Variants in PLD5 observed in about 807,000 individuals in gnomAD.
PLD5 encodes phospholipase D family member 5.
Under a neutral mutation model 61.1 loss-of-function variants are expected in PLD5, and 36 were observed. The observed-to-expected ratio is 0.59, with a 90% confidence interval of 0.45 to 0.78. The LOEUF (loss-of-function observed/expected upper bound fraction) is 0.78. Ranked by LOEUF, PLD5 falls within the 30% of genes least tolerant of loss-of-function variation. PLD5 has a pLI of 0.00. For missense variants in PLD5, 515 were observed against 644.4 expected, an observed-to-expected ratio of 0.80 and a Z score of 2.17; for synonymous variants, 243 against 242.8, an observed-to-expected ratio of 1.00 and a Z score of -0.01.
chr1:242,129,402 C>A (rs1404807978), intron 5 of PLD5, among the ~76,000 whole-genome samples: 1 of 152,114 alleles, frequency 6.6e-6, no homozygotes, highest in Non-Finnish European at 1.5e-5. Flanking sequence ...TCTAGTTTTA[C>A]GTATTAGTTC....
intron 5 of PLD5, among the ~76,000 whole-genome samples, chr1:242,178,107 C>T (rs192226968): frequency 4.7e-4 from 72 of 152,332 alleles, no homozygotes; most frequent in Middle Eastern, 3.4e-3. Context: ...CCAATGATTT[C>T]TAACAACCTA....
At chr1:242,192,760 G>A (rs1484529227) in intron 5 of PLD5, among the ~76,000 whole-genome samples, 2 of 151,850 alleles carry the variant, frequency 1.3e-5, no homozygotes, top group African/African-American at 4.9e-5. Context: ...AGGAAGAAGC[G>A]GGTGGGATGC....
intron 2 of PLD5, among the ~76,000 whole-genome samples, chr1:242,302,774 G>C (rs1283262203): frequency 6.6e-6 from 1 of 152,000 alleles, no homozygotes; most frequent in Non-Finnish European, 1.5e-5. Flanking sequence ...TCATTCTCTG[G>C]GTATCTCCCA....
At chr1:242,241,668 G>A (rs1158770559) in intron 4 of PLD5, among the ~76,000 whole-genome samples, 3 of 151,764 alleles carry the variant, frequency 2.0e-5, no homozygotes, top group African/African-American at 4.8e-5. Flanking sequence ...AACTTCTACA[G>A]GCCACTTGGT....
At chr1:242,387,113 G>C (rs10926716) in intron 1 of PLD5, among the ~76,000 whole-genome samples, 1 of 151,888 alleles carries the variant, frequency 6.6e-6, no homozygotes, top group Non-Finnish European at 1.5e-5. Flanking sequence ...TAAAAAGTTC[G>C]AAGAAAAAGA....
intron 1 of PLD5, among the ~76,000 whole-genome samples, chr1:242,482,907 C>T (rs1667831571): frequency 6.6e-6 from 1 of 152,230 alleles, no homozygotes; most frequent in Non-Finnish European, 1.5e-5. Flanking sequence ...CAATATTCAA[C>T]ATTCTTACAG....
intron 1 of PLD5, among the ~76,000 whole-genome samples, chr1:242,402,555 CTTA>C (rs2149279655): frequency 6.6e-6 from 1 of 152,286 alleles, no homozygotes; most frequent in South Asian, 2.1e-4. Context: ...ATAGGGTTAG[CTTA>C]TTATTCAGCT....
At chr1:242,226,715 A>G (rs1025884233) in intron 4 of PLD5, among the ~76,000 whole-genome samples, 5 of 152,178 alleles carry the variant, frequency 3.3e-5, no homozygotes, top group Non-Finnish European at 5.9e-5. Context: ...AAAAATCAGG[A>G]AACTCCAAAT....
Position 242,256,067 on chromosome 1 carries a change from C to G in PLD5, c.607+9270G>C, listed in dbSNP as rs1331589468. On this transcript the variant is annotated intron_variant, in intron 4 of 9. Transcript: ENST00000536534. This position sits in a 1 kb window ranked among gnomAD's most constrained non-coding sequence, Gnocchi z 5.7. The stretch of plus-strand genomic sequence containing the variant: ...TTCACTAATATGGGTAAGGCTCTGT[C>G]TAATTGGCTCACTTACTTGCTATAT... 6.6e-6 allele frequency among the ~76,000 whole-genome samples: 1 copy of G among 152,130 alleles called. No individual in the cohort carries two copies. The highest frequency in any genetic ancestry group is 2.4e-5 in the African/African-American group (1 of 41,440).
chr1:242,520,019 G>A (rs934112055), intron 1 of PLD5, among the ~76,000 whole-genome samples: 1 of 152,214 alleles, frequency 6.6e-6, no homozygotes, highest in East Asian at 1.9e-4. Flanking sequence ...TGCTGCAGCA[G>A]TCTTGTGAGA....
At chr1:242,153,046 A>C (rs561824476) in intron 5 of PLD5, among the ~76,000 whole-genome samples, 1 of 148,556 alleles carries the variant, frequency 6.7e-6, no homozygotes, top group Non-Finnish European at 1.5e-5. Context: ...AATGATTACC[A>C]TTCTAACTGG....
At chr1:242,498,166 T>C (rs1387463009) in intron 1 of PLD5, among the ~76,000 whole-genome samples, 7 of 152,274 alleles carry the variant, frequency 4.6e-5, no homozygotes, top group Non-Finnish European at 7.4e-5. Flanking sequence ...GGTTTCACCA[T>C]GTTGATCAGG....
chr1:242,188,539 A>C (rs1668050019), intron 5 of PLD5: 1 of 152,252 alleles, frequency 6.6e-6, no homozygotes, highest in Non-Finnish European at 1.5e-5. Context: ...CACAGAACCT[A>C]GAAAGCAGCT....
rs1663444152 is a variant in PLD5 at position 242,395,007 on chromosome 1, A to ATATATGAATATATATG, written c.190-46766_190-46765insCATATATATTCATATA. Among the ~76,000 whole-genome samples the ATATATGAATATATATG allele has an allele frequency of 5.1e-5, 5 of 98,566 alleles. 1 individual carries two copies. In the East Asian group the frequency reaches 1.4e-3, roughly 28 times the overall value. 64.7% of individuals were successfully genotyped at this position (98,566 alleles called of 152,430 possible). ...TATATGAATATATATGTATATATGA[A>ATATATGAATATATATG]TATATATGAATATATATGTATATAT... On this transcript the variant is annotated intron_variant, in intron 1 of 9. Transcript: ENST00000536534.
At chr1:242,139,457 T>G (rs1241048567) in intron 5 of PLD5, among the ~76,000 whole-genome samples, 1 of 152,038 alleles carries the variant, frequency 6.6e-6, no homozygotes. Context: ...AAGGGTTCAA[T>G]GTAGCTCTCG....
At chr1:242,430,201 T>C (rs1254546220) in intron 1 of PLD5, among the ~76,000 whole-genome samples, 2 of 152,220 alleles carry the variant, frequency 1.3e-5, no homozygotes, top group East Asian at 1.9e-4. Context: ...CAAAGTACCA[T>C]AGACTGACTG....
At chr1:242,240,690 C>CA (rs1456926671) in intron 4 of PLD5, among the ~76,000 whole-genome samples, 2 of 151,890 alleles carry the variant, frequency 1.3e-5, no homozygotes, top group Non-Finnish European at 2.9e-5. Context: ...GCAAAAAAAA[C>CA]AAAAAATATT....
At chr1:242,125,231 C>T (rs923886541) in intron 5 of PLD5, among the ~76,000 whole-genome samples, 1 of 152,070 alleles carries the variant, frequency 6.6e-6, no homozygotes, top group African/African-American at 2.4e-5. Flanking sequence ...ATGGTTAATA[C>T]ATATAAGAAG....
intron 1 of PLD5, among the ~76,000 whole-genome samples, chr1:242,373,716 C>T (rs1471073624): frequency 2.0e-5 from 3 of 152,138 alleles, no homozygotes; most frequent in East Asian, 1.9e-4. Context: ...AACCAAACAC[C>T]GCACGTTCTC....
Sources: gnomAD v4.1 joint callset for allele counts (sites outside exome capture counted in the v4.1 genomes callset) on GRCh38, gnomAD v4.1.1 for gene constraint, Gnocchi (gnomAD v3.1) non-coding constraint, MANE v1.5 for transcripts, NCBI Gene and HGNC (gene_info 2026-07-23, HGNC 2026-07-21) for gene names.